The following TPO variants were observed in gnomAD, a reference collection of about 807,000 sequenced individuals.
The protein encoded by TPO is thyroid microsomal antigen.
Under a neutral mutation model 96.9 loss-of-function variants are expected in TPO, and 78 were observed. The ratio of observed to expected loss-of-function variants is 0.81; its 90% CI spans 0.67 to 0.97. TPO has a LOEUF of 0.97. TPO is among the 50% of genes least tolerant of loss of function. The probability of loss-of-function intolerance (pLI) is 0.00; values close to 1 mark genes in which losing one functional copy is unlikely to be tolerated. For synonymous variants in TPO, 547 were observed against 538.0 expected, an observed-to-expected ratio of 1.02 and a Z score of -0.23; for missense variants, 1,252 against 1,274.8, an observed-to-expected ratio of 0.98 and a Z score of 0.27.
At chr2:1,482,585 T>C (rs950312508) in intron 8 of TPO, among the ~76,000 whole-genome samples, 1 of 152,180 alleles carries the variant, frequency 6.6e-6, no homozygotes. Flanking sequence ...GAGTAACCAT[T>C]TCCCCCATGC....
intron 1 of TPO, among the ~76,000 whole-genome samples, chr2:1,385,389 C>T (rs1397167475): frequency 2.0e-5 from 3 of 152,092 alleles, no homozygotes; most frequent in Non-Finnish European, 2.9e-5. Context: ...ATTTCAGAGC[C>T]TGTTATTGGT....
At chr2:1,494,398 G>A (rs1180979634) in intron 11 of TPO, among the ~76,000 whole-genome samples, 1 of 152,236 alleles carries the variant, frequency 6.6e-6, no homozygotes, top group African/African-American at 2.4e-5. Context: ...AAGCGCAGAG[G>A]TGGACAGTGA....
chr2:1,458,632 T>A (rs977459933), intron 7 of TPO, among the ~76,000 whole-genome samples: 1 of 152,080 alleles, frequency 6.6e-6, no homozygotes, highest in East Asian at 1.9e-4. Context: ...GTTTATAGCA[T>A]ATTAGTTTGT....
chr2:1,528,553 CTT>C (rs1677171825), intron 15 of TPO, among the ~76,000 whole-genome samples: 1 of 145,588 alleles, frequency 6.9e-6, no homozygotes. Flanking sequence ...CCCTCCCACT[CTT>C]TGCAAACTCC....
chr2:1,505,260 G>A (rs144027007), intron 14 of TPO, among the ~76,000 whole-genome samples: 345 of 143,636 alleles, frequency 2.4e-3, no homozygotes, highest in Non-Finnish European at 3.4e-3. Context: ...TGTGTCAGGC[G>A]CACCCCCTCC....
intron 14 of TPO, among the ~76,000 whole-genome samples, chr2:1,513,866 T>A (rs1178493749): frequency 1.3e-5 from 2 of 152,182 alleles, no homozygotes; most frequent in African/African-American, 4.8e-5. Flanking sequence ...GATATAAATT[T>A]ACACATAGGT....
At chr2:1,537,341 C>A (rs1679984630) in intron 15 of TPO, among the ~76,000 whole-genome samples, 1 of 115,308 alleles carries the variant, frequency 8.7e-6, no homozygotes, top group South Asian at 3.4e-4. Context: ...CCCAAATCCT[C>A]CACTCTGTTC....
intron 3 of TPO, among the ~76,000 whole-genome samples, chr2:1,432,667 G>GA (rs1306770413): frequency 5.5e-5 from 5 of 90,818 alleles, no homozygotes; most frequent in Non-Finnish European, 8.7e-5. Flanking sequence ...GCCTGCAGGT[G>GA]GGGTGAGGCC....
intron 10 of TPO, among the ~76,000 whole-genome samples, chr2:1,491,596 A>C (rs1012789331): frequency 6.6e-5 from 10 of 152,346 alleles, no homozygotes; most frequent in African/African-American, 2.2e-4. Context: ...AAATAACTGC[A>C]TTCTTTTAGT....
At chr2:1,511,248 G>A (rs1257561332) in intron 14 of TPO, among the ~76,000 whole-genome samples, 1 of 144,236 alleles carries the variant, frequency 6.9e-6, no homozygotes, top group Non-Finnish European at 1.5e-5. Flanking sequence ...GACTGGGGGT[G>A]CCACAGCGCA....
intron 14 of TPO, among the ~76,000 whole-genome samples, chr2:1,513,811 G>C (rs776343573): frequency 4.6e-5 from 7 of 152,164 alleles, no homozygotes; most frequent in Non-Finnish European, 8.8e-5. Context: ...GATACTGATT[G>C]TGGGTATATA....
chr2:1,398,668 T>C (rs1662121861), intron 1 of TPO, among the ~76,000 whole-genome samples: 1 of 152,218 alleles, frequency 6.6e-6, no homozygotes, highest in Non-Finnish European at 1.5e-5. Flanking sequence ...CTGGTTCATG[T>C]GCAGGCAAGC....
chr2:1,454,541 C>T (rs149728043), intron 6 of TPO, among the ~76,000 whole-genome samples: 42 of 152,224 alleles, frequency 2.8e-4, no homozygotes, highest in Non-Finnish European at 5.6e-4. Context: ...TCCCAGAAGC[C>T]GTGAGAAGCC....
At chr2:1,464,968 C>T (rs1668765471) in intron 7 of TPO, among the ~76,000 whole-genome samples, 1 of 152,078 alleles carries the variant, frequency 6.6e-6, no homozygotes, top group East Asian at 1.9e-4. Flanking sequence ...TCATTAAATC[C>T]TTGCCTGAGC....
intron 8 of TPO, among the ~76,000 whole-genome samples, chr2:1,481,813 T>C (rs934081967): frequency 4.6e-5 from 7 of 152,110 alleles, no homozygotes; most frequent in Non-Finnish European, 1.0e-4. Context: ...TGGCCTCCAA[T>C]GTTGGCTGAC....
chr2:1,436,487 C>A, intron 5 of TPO, 103 bp downstream of exon 5: 1 of 1,552,838 alleles, frequency 6.4e-7, no homozygotes, highest in South Asian at 1.1e-5. Flanking sequence ...GATCTGTATC[C>A]ACCCCTGAGC....
chr2:1,391,647 G>A (rs1662001992), intron 1 of TPO, among the ~76,000 whole-genome samples: 1 of 152,180 alleles, frequency 6.6e-6, no homozygotes, highest in Non-Finnish European at 1.5e-5. Flanking sequence ...TTATCCATGA[G>A]CATGGAATGT....
intron 15 of TPO, among the ~76,000 whole-genome samples, chr2:1,539,769 C>T (rs764891408): frequency 1.3e-5 from 2 of 148,756 alleles, no homozygotes; most frequent in Non-Finnish European, 3.0e-5. Context: ...TTCAGGCAGG[C>T]GGGGCGGGGA....
intron 7 of TPO, among the ~76,000 whole-genome samples, chr2:1,459,491 T>C (rs1350117713): frequency 6.6e-6 from 1 of 152,160 alleles, no homozygotes; most frequent in Admixed American, 6.5e-5. Flanking sequence ...ATGGTTTCGA[T>C]CTCATGTCCT....
Sources: allele counts gnomAD v4.1 joint callset (sites outside exome capture counted in the v4.1 genomes callset), GRCh38; gene constraint gnomAD v4.1.1; transcripts MANE v1.5; gene names NCBI Gene and HGNC (gene_info 2026-07-23, HGNC 2026-07-21).